PLAGL1: variants seen among roughly 807,000 people sequenced by gnomAD.
The protein encoded by PLAGL1 is zinc finger protein PLAGL1.
PLAGL1 carries 1 observed loss-of-function variant against 4.6 expected under a neutral mutation model. The observed-to-expected ratio is 0.22, with a 90% CI of 0.08 to 1.03. The LOEUF (loss-of-function observed/expected upper bound fraction) is 1.03. Among genes scored for constraint, PLAGL1 ranks in the 50% least tolerant of loss-of-function variants. PLAGL1 has a pLI of 0.58. For missense variants in PLAGL1, 464 were observed against 570.4 expected, an observed-to-expected ratio of 0.81 and a Z score of 1.90; for synonymous variants, 240 against 237.8, an observed-to-expected ratio of 1.01 and a Z score of -0.08.
chr6:143,974,169 C>G (rs1037624912), intron 2 of PLAGL1, among the ~76,000 whole-genome samples: 6 of 152,234 alleles, frequency 3.9e-5, no homozygotes, highest in African/African-American at 1.4e-4. Context: ...TTGCTTATTT[C>G]ACACCTTCAT....
At position 143,948,964 on chromosome 6, in the gene PLAGL1, A is replaced by G. The variant is rs1224412155; in HGVS notation, c.-324-504T>C. On this transcript the variant is annotated intron_variant, in intron 6 of 7. Transcript: ENST00000674357. The surrounding 1 kb of genome is among the most constrained non-coding windows in gnomAD (Gnocchi z 6.0). ...AGAGGATAAGAAATAATTTGTATAC[A>G]CCTAAGTCAATTTGTTTGTAAGATT... Among the ~76,000 whole-genome samples, 1 of 152,174 alleles carries G rather than the reference A, an allele frequency of 6.6e-6. No homozygotes were observed. The highest frequency in any genetic ancestry group is 1.5e-5 in the Non-Finnish European group (1 of 68,032).
rs1174218605 is a variant in PLAGL1 at position 143,973,938 on chromosome 6, C to G, written c.-543-4960G>C. On this transcript the variant is annotated intron_variant, in intron 2 of 7. Coordinates refer to ENST00000674357, the MANE Select transcript of PLAGL1 (RefSeq NM_001317162.2). The surrounding 1 kb of genome is among the most constrained non-coding windows in gnomAD (Gnocchi z 6.2). ...TCTGTTTGTACAACAAAAGTGTGAA[C>G]AGAGATATAACAGGTTTTTTTGGAT... Among the ~76,000 whole-genome samples, 2 of 152,140 alleles carry G rather than the reference C, an allele frequency of 1.3e-5. No individual in the cohort carries two copies. The highest frequency in any genetic ancestry group is 6.5e-5 in the Admixed American group (1 of 15,274).
chr6:144,017,209 TA>T lies in PLAGL1; in HGVS notation c.-151+47258del, dbSNP rs1795625091. On this transcript the variant is annotated intron_variant, in intron 1 of 3. Coordinates refer to the PLAGL1 transcript ENST00000437412. ...CCTGTATACATATGTAGTTTTTTTT[TA>T]AAGCGCATCGCTTCTGGCCAAACTA... 2.0e-5 allele frequency among the ~76,000 whole-genome samples: 3 copies of T among 152,208 alleles called. No homozygotes were observed. The South Asian group carries it at 6.2e-4, about 32-fold the overall frequency.
rs1199397527 is a variant in PLAGL1, at chr6:144,015,773, G to T, written c.-150-46795C>A. ...GGAAAAACTGGAACTCTCGCACATT[G>T]CTAGAAGAAATATAAAATGATACAG... On this transcript the variant is annotated intron_variant, in intron 1 of 3. Coordinates refer to the PLAGL1 transcript ENST00000437412. This position sits in a 1 kb window ranked among gnomAD's most constrained non-coding sequence, Gnocchi z 4.3. 3.3e-5 allele frequency among the ~76,000 whole-genome samples: 5 copies of T among 152,180 alleles called. No homozygotes were observed. The highest frequency in any genetic ancestry group is 4.1e-4 in the South Asian group (2 of 4,836).
At chr6:143,974,415 A>T (rs1023057812) in intron 2 of PLAGL1, among the ~76,000 whole-genome samples, 6 of 151,780 alleles carry the variant, frequency 4.0e-5, no homozygotes, top group African/African-American at 1.5e-4. Flanking sequence ...GTCACCAGTG[A>T]CCTCCAGGGC....
intron 1 of PLAGL1, among the ~76,000 whole-genome samples, chr6:144,035,189 C>T (rs1797127477): frequency 1.3e-5 from 2 of 152,252 alleles, no homozygotes; most frequent in Non-Finnish European, 2.9e-5. Flanking sequence ...AATTGACTCA[C>T]ACAATCACAA....
In PLAGL1 at chr6:144,004,275, G is replaced by A. The variant is rs1222092650; in HGVS notation, c.-584+3815C>T. 6.6e-6 allele frequency among the ~76,000 whole-genome samples: 1 copy of A among 151,926 alleles called. No individual in the cohort carries two copies. The highest frequency in any genetic ancestry group is 2.4e-5 in the African/African-American group (1 of 41,334). ...TAGTTCACTGTAAGCTCGAACTCCT[G>A]AGCTCAAGAGATTCTCCTGCCTCAG... On this transcript the variant is annotated intron_variant, in intron 1 of 7. Coordinates refer to ENST00000674357, the MANE Select transcript of PLAGL1 (RefSeq NM_001317162.2). The surrounding 1 kb of genome is among the most constrained non-coding windows in gnomAD (Gnocchi z 4.2).
rs1781449469 is a variant in PLAGL1, at chr6:143,953,313, T to C, written c.-324-4853A>G. 6.6e-6 allele frequency among the ~76,000 whole-genome samples: 1 copy of C among 152,240 alleles called. No homozygotes were observed. Among genetic ancestry groups the C allele is most frequent in the South Asian group, 2.1e-4 (1 of 4,834 alleles). ...AGAGCCACCTGCTGAGCCATCAGGT[T>C]TGTTGCCTATAGATTCTTTTCAGCT... is the stretch of plus-strand genomic sequence containing the variant. On this transcript the variant is annotated intron_variant, in intron 6 of 7. Coordinates refer to ENST00000674357, the MANE Select transcript of PLAGL1 (RefSeq NM_001317162.2). This position sits in a 1 kb window ranked among gnomAD's most constrained non-coding sequence, Gnocchi z 5.3.
Position 143,960,110 on chromosome 6 carries a change from CA to C in PLAGL1, c.-325+358del, listed in dbSNP as rs1268076078. 1.3e-5 allele frequency among the ~76,000 whole-genome samples: 2 copies of C among 152,202 alleles called. No homozygotes were observed. Among genetic ancestry groups the C allele is most frequent in the Non-Finnish European group, 2.9e-5 (2 of 68,044 alleles). Reference sequence around the variant, plus strand: ...CAACCTCTTACACATCTTATGTACACAAGTTAGGAGTGTTGGCAGGGGCAGC... The same window carrying C: ...CAACCTCTTACACATCTTATGTACACAGTTAGGAGTGTTGGCAGGGGCAGC... On this transcript the variant is annotated intron_variant, in intron 6 of 7. Coordinates refer to ENST00000674357, the MANE Select transcript of PLAGL1 (RefSeq NM_001317162.2). The surrounding 1 kb of genome is among the most constrained non-coding windows in gnomAD (Gnocchi z 5.7).
Position 143,970,682 on chromosome 6 carries a change from T to C in PLAGL1, c.-543-1704A>G, listed in dbSNP as rs1262249437. 6.6e-6 allele frequency among the ~76,000 whole-genome samples: 1 copy of C among 152,228 alleles called. No homozygotes were observed. Among genetic ancestry groups the C allele is most frequent in the East Asian group, 1.9e-4 (1 of 5,200 alleles). On this transcript the variant is annotated intron_variant, in intron 2 of 7. Transcript: ENST00000674357. The surrounding 1 kb of genome is among the most constrained non-coding windows in gnomAD (Gnocchi z 5.8). ...GTTAGCTTACGTAGATTAACACACA[T>C]GTAAACACAGAGACATAACATATGT... is the stretch of plus-strand genomic sequence containing the variant.
intron 1 of PLAGL1, among the ~76,000 whole-genome samples, chr6:144,032,647 C>T (rs1356622496): frequency 4.6e-5 from 7 of 151,934 alleles, no homozygotes; most frequent in South Asian, 4.2e-4. Flanking sequence ...CTGCAACGTC[C>T]GCCTCCTGGG....
chr6:144,031,833 G>C (rs779238762), intron 1 of PLAGL1, among the ~76,000 whole-genome samples: 2 of 152,062 alleles, frequency 1.3e-5, no homozygotes, highest in African/African-American at 2.4e-5. Flanking sequence ...GGCTATGCAG[G>C]CTCTTTTTTG....
rs1780592452 is a variant in PLAGL1 at position 143,949,635 on chromosome 6, T to C, written c.-324-1175A>G. ...TTTCAGGTGGGCAAATGCTCACCTT[T>C]CAAGTGCCAATACTTAAAAAAATTA... On this transcript the variant is annotated intron_variant, in intron 6 of 7. Coordinates refer to ENST00000674357, the MANE Select transcript of PLAGL1 (RefSeq NM_001317162.2). This position sits in a 1 kb window ranked among gnomAD's most constrained non-coding sequence, Gnocchi z 5.3. Among the ~76,000 whole-genome samples the C allele has an allele frequency of 6.6e-6, 1 of 152,188 alleles. No individual in the cohort carries two copies. The highest frequency in any genetic ancestry group is 1.5e-5 in the Non-Finnish European group (1 of 68,030).
At position 143,941,982 on chromosome 6, in the gene PLAGL1, C is replaced by T. The variant is rs1163986493; in HGVS notation, c.834G>A (p.Leu278=). Residue 278 remains leucine, a synonymous_variant, in exon 8 of 8, where the codon CTG becomes CTA. Transcript: ENST00000674357. This position sits in a 1 kb window ranked among gnomAD's most constrained non-coding sequence, Gnocchi z 6.0. The part of the protein sequence containing the change: ...PEQAAQPMQP[L]PESLASLHPS... ...GGTGGAGGGAGGCCAGGGACTCTGG[C>T]AGCGGCTGCATAGGCTGGGCGGCTT... is the stretch of plus-strand genomic sequence containing the variant. The T allele has an allele frequency of 6.3e-7, 1 of 1,594,174 alleles. No homozygotes were observed. The highest frequency in any genetic ancestry group is 1.7e-5 in the Admixed American group (1 of 58,838).
intron 1 of PLAGL1, among the ~76,000 whole-genome samples, chr6:144,035,080 A>G (rs1329604470): frequency 2.0e-5 from 3 of 152,190 alleles, no homozygotes; most frequent in South Asian, 2.1e-4. Context: ...AAAGTTTTTC[A>G]TACTAAAATG....
intron 1 of PLAGL1, among the ~76,000 whole-genome samples, chr6:144,003,063 GATA>G (rs1793260042): frequency 6.6e-6 from 1 of 152,082 alleles, no homozygotes; most frequent in Admixed American, 6.6e-5. Flanking sequence ...TGCAAGAATG[GATA>G]ATTAGTCCAA....
chr6:143,946,347 T>C (rs1779786128), intron 7 of PLAGL1, among the ~76,000 whole-genome samples: 4 of 152,220 alleles, frequency 2.6e-5, no homozygotes, highest in Admixed American at 2.6e-4. Flanking sequence ...AGTTTTAGTG[T>C]CCTCACTGTG....
intron 3 of PLAGL1, chr6:143,967,703 A>AT (rs962956929): frequency 6.6e-6 from 1 of 152,080 alleles, no homozygotes; most frequent in Non-Finnish European, 1.5e-5. Flanking sequence ...ATTCTGCTAC[A>AT]TTTTTTTCCT....
chr6:144,034,460 G>A lies in PLAGL1; in HGVS notation c.-151+30008C>T, dbSNP rs1254034632. On this transcript the variant is annotated intron_variant, in intron 1 of 3. Transcript: ENST00000437412. The surrounding 1 kb of genome is among the most constrained non-coding windows in gnomAD (Gnocchi z 4.7). Reference sequence around the variant, plus strand: ...TAAGTAAGCCTCAAGTCCTTTTAGTGTTTGTTTCTCTTCAAGAAAATAAAA... The same window carrying A: ...TAAGTAAGCCTCAAGTCCTTTTAGTATTTGTTTCTCTTCAAGAAAATAAAA... Among the ~76,000 whole-genome samples, 1 of 152,208 alleles carries A rather than the reference G, an allele frequency of 6.6e-6. No homozygotes were observed. Among genetic ancestry groups the A allele is most frequent in the Non-Finnish European group, 1.5e-5 (1 of 68,038 alleles).
Sources: gnomAD v4.1 joint callset for allele counts (sites outside exome capture counted in the v4.1 genomes callset) on GRCh38, gnomAD v4.1.1 for gene constraint, Gnocchi (gnomAD v3.1) non-coding constraint, MANE v1.5 for transcripts, NCBI Gene and HGNC (gene_info 2026-07-23, HGNC 2026-07-21) for gene names.